LOC730098: variants seen among roughly 807,000 people sequenced by gnomAD.
chr9:34,665,638 C>G, the LOC730098 span: 20 of 701,344 alleles, frequency 2.9e-5, no homozygotes, highest in African/African-American at 3.5e-4. Flanking sequence ...AGCGCCACCT[C>G]GTATCTCCTC....
At chr9:34,665,532 A>AACC in the LOC730098 span, 1 of 233,018 alleles carries the variant, frequency 4.3e-6, no homozygotes, top group South Asian at 4.0e-5. Flanking sequence ...CGCCCTGCCC[A>AACC]CCCCTCGCCC....
chr9:34,664,890 T>C, the LOC730098 span: 1 of 443,896 alleles, frequency 2.3e-6, no homozygotes, highest in Non-Finnish European at 4.0e-6. Context: ...GGCCTGACAC[T>C]GATGAGGGGC....
chr9:34,666,003 G>A, the LOC730098 span: 1 of 388,278 alleles, frequency 2.6e-6, no homozygotes, highest in Non-Finnish European at 4.7e-6. Context: ...AGAGGGGTCA[G>A]CGCAGCCTAA....
At chr9:34,665,549 A>T in the LOC730098 span, 1 of 655,096 alleles carries the variant, frequency 1.5e-6, no homozygotes, top group South Asian at 1.5e-5. Flanking sequence ...GCCCCCGCAG[A>T]ACTCCACCCT....
chr9:34,664,440 C>G, the LOC730098 span: 18 of 152,530 alleles, frequency 1.2e-4, no homozygotes, highest in African/African-American at 4.3e-4. Flanking sequence ...ATTCTCACCA[C>G]TTGAGGAGTT....
At chr9:34,665,303 A>G in the LOC730098 span, 3 of 701,782 alleles carry the variant, frequency 4.3e-6, no homozygotes, top group Non-Finnish European at 7.8e-6. Context: ...GCGGTATCGC[A>G]GCCTCCTCAC....
the LOC730098 span, chr9:34,664,698 C>A: frequency 4.5e-6 from 1 of 224,240 alleles, no homozygotes; most frequent in East Asian, 9.1e-5. Flanking sequence ...GCATCCTACA[C>A]CTCTGCTTAA....
the LOC730098 span, chr9:34,664,491 A>G: frequency 0.76 from 116,398 of 152,374 alleles, 44,480 homozygotes; most frequent in East Asian, 0.86. Flanking sequence ...GGGGGCGGCA[A>G]AGAGCAGTGG....
At chr9:34,665,460 C>A in the LOC730098 span, 7 of 687,426 alleles carry the variant, frequency 1.0e-5, no homozygotes, top group African/African-American at 3.5e-5. Context: ...GCCTCGCCGT[C>A]GAGGAAGGCT....
chr9:34,665,252 G>A, the LOC730098 span: 5 of 699,778 alleles, frequency 7.1e-6, no homozygotes, highest in Non-Finnish European at 1.3e-5. Flanking sequence ...CCCCCGATGG[G>A]TCCTCAGAGA....
the LOC730098 span, chr9:34,664,980 C>G: frequency 1.8e-6 from 1 of 551,636 alleles, no homozygotes; most frequent in Non-Finnish European, 3.2e-6. Flanking sequence ...GGGCGCTCGG[C>G]TCGAATGGCG....
chr9:34,665,510 C>A, the LOC730098 span: 1 of 699,262 alleles, frequency 1.4e-6, no homozygotes, highest in South Asian at 1.5e-5. Flanking sequence ...GCGCCCACGC[C>A]CCTGGGAGGC....
the LOC730098 span, chr9:34,665,449 T>G: frequency 1.5e-6 from 1 of 689,572 alleles, no homozygotes; most frequent in East Asian, 2.7e-5. Context: ...CGCCCCGCGG[T>G]GCCTCGCCGT....
the LOC730098 span, chr9:34,664,400 A>G: frequency 1.3e-5 from 2 of 152,188 alleles, no homozygotes; most frequent in African/African-American, 4.8e-5. Flanking sequence ...CCAGTCCCTA[A>G]CTGAAGGCAG....
chr9:34,664,895 A>G, the LOC730098 span: 1 of 451,828 alleles, frequency 2.2e-6, no homozygotes, highest in East Asian at 3.3e-5. Flanking sequence ...GACACTGATG[A>G]GGGGCTTTGA....
chr9:34,664,291 T>C, the LOC730098 span: 1 of 152,268 alleles, frequency 6.6e-6, no homozygotes, highest in Non-Finnish European at 1.5e-5. Flanking sequence ...AGACCAAGTC[T>C]TCTCCCCAGC....
At chr9:34,665,548 G>GA in the LOC730098 span, 1 of 507,072 alleles carries the variant, frequency 2.0e-6, no homozygotes, top group Non-Finnish European at 3.6e-6. Context: ...CGCCCCCGCA[G>GA]AACTCCACCC....
At chr9:34,665,453 T>C in the LOC730098 span, 1 of 688,852 alleles carries the variant, frequency 1.5e-6, no homozygotes, top group Non-Finnish European at 2.6e-6. Flanking sequence ...CCGCGGTGCC[T>C]CGCCGTCGAG....
At chr9:34,665,406 G>A in the LOC730098 span, 1 of 700,242 alleles carries the variant, frequency 1.4e-6, no homozygotes, top group South Asian at 1.5e-5. Context: ...GGCGGGGCGG[G>A]GCGGGGCGGG....
Sources: gnomAD v4.1 joint callset for allele counts on GRCh38, gnomAD v4.1.1 for gene constraint, MANE v1.5 for transcripts.